FAM227B: variants seen among roughly 807,000 people sequenced by gnomAD.
The protein encoded by FAM227B is protein FAM227B.
FAM227B carries 88 observed loss-of-function variants against 73.8 expected under a neutral mutation model. That is an observed-to-expected ratio of 1.19 (90% CI 1.00 to 1.42). The LOEUF (loss-of-function observed/expected upper bound fraction) is 1.42, where lower values mean the gene tolerates loss of function less well. Among genes scored for constraint, FAM227B ranks in the 40% most tolerant of loss-of-function variants. The probability of loss-of-function intolerance (pLI) is 0.00; values close to 1 mark genes in which losing one functional copy is unlikely to be tolerated. For missense variants in FAM227B, 632 were observed against 590.9 expected (o/e 1.07, Z -0.72); for synonymous variants, 210 against 190.5 (o/e 1.10, Z -0.84).
chr15:49,425,299 T>C lies in FAM227B; in HGVS notation c.1013-53900A>G, dbSNP rs557332010. ...TGGGCTGGAAGAGATGGTAATTCCA[T>C]GTTTTTCAATTTAAAGCCTTACATT... On this transcript the variant is annotated intron_variant, in intron 11 of 15. Coordinates refer to ENST00000299338, the MANE Select transcript of FAM227B (RefSeq NM_152647.3). 5.9e-5 allele frequency: 9 copies of C among 152,134 alleles called. No homozygotes were observed. The East Asian group carries it at 1.7e-3, about 29-fold the overall frequency. The allele number at this position is 152,134 out of a possible 1,614,324, so 9.4% of individuals were successfully genotyped here.
rs1308747221 is a variant in FAM227B, at chr15:49,508,486, C to T, written c.875-138G>A. ...TTCCTTTTTTGTTCCTTTTAAGCTGCGTAGGATTAGATAAGTCATCTAACC... is the reference window on the plus strand; with the variant it reads ...TTCCTTTTTTGTTCCTTTTAAGCTGTGTAGGATTAGATAAGTCATCTAACC... On this transcript the variant is annotated intron_variant, in intron 10 of 15. Transcript: ENST00000299338. 1.1e-5 allele frequency: 7 copies of T among 626,286 alleles called. No homozygotes were observed. In the East Asian group the frequency reaches 1.6e-4, roughly 14 times the overall value. The allele number at this position is 626,286 out of a possible 1,614,324, so 38.8% of individuals were successfully genotyped here.
intron 11 of FAM227B, among the ~76,000 whole-genome samples, chr15:49,383,505 A>G (rs12905203): frequency 0.3 from 45,295 of 152,038 alleles, 7,952 homozygotes; most frequent in Non-Finnish European, 0.4. Flanking sequence ...AAACATTTGT[A>G]TGACTCACTT....
intron 14 of FAM227B, among the ~76,000 whole-genome samples, chr15:49,332,086 G>GCCCCCC (rs60385595): frequency 1.1e-5 from 1 of 92,612 alleles, no homozygotes; most frequent in Non-Finnish European, 2.1e-5. Flanking sequence ...GTGCACACGT[G>GCCCCCC]CCACACACAC....
intron 11 of FAM227B, among the ~76,000 whole-genome samples, chr15:49,436,217 T>C (rs1325531030): frequency 6.6e-6 from 1 of 151,606 alleles, no homozygotes; most frequent in African/African-American, 2.4e-5. Context: ...AGCCAGTGTT[T>C]CAGATGATCC....
At chr15:49,372,507 G>A (rs2045911921) in intron 11 of FAM227B, among the ~76,000 whole-genome samples, 1 of 152,178 alleles carries the variant, frequency 6.6e-6, no homozygotes, top group Non-Finnish European at 1.5e-5. Context: ...CTGGGCCTCT[G>A]CCTGTCAGAG....
chr15:49,560,150 T>G (rs1233549156), intron 9 of FAM227B, among the ~76,000 whole-genome samples: 13 of 151,862 alleles, frequency 8.6e-5, no homozygotes, highest in African/African-American at 3.1e-4. Flanking sequence ...ATCCAGGAAA[T>G]GAAGGAAGTG....
chr15:49,379,916 C>T (rs60594237), intron 11 of FAM227B, among the ~76,000 whole-genome samples: 24,919 of 152,168 alleles, frequency 0.16, 2,345 homozygotes, highest in Non-Finnish European at 0.21. Context: ...TGCTCAAGGC[C>T]CCAGGGCTTT....
chr15:49,545,741 T>C (rs1454249982), intron 9 of FAM227B, among the ~76,000 whole-genome samples: 1 of 152,180 alleles, frequency 6.6e-6, no homozygotes, highest in African/African-American at 2.4e-5. Context: ...CTTAATTTCA[T>C]TGTTCACCCA....
intron 11 of FAM227B, among the ~76,000 whole-genome samples, chr15:49,493,088 T>C (rs1220191799): frequency 6.6e-6 from 1 of 151,990 alleles, no homozygotes; most frequent in African/African-American, 2.4e-5. Context: ...TCTTACCTAA[T>C]GTCCCTCAGT....
At chr15:49,341,915 T>C (rs2040788267) in intron 13 of FAM227B, among the ~76,000 whole-genome samples, 1 of 152,138 alleles carries the variant, frequency 6.6e-6, no homozygotes, top group Non-Finnish European at 1.5e-5. Flanking sequence ...AAGAGTTTGG[T>C]TTTTTTGAAT....
chr15:49,376,067 A>G (rs1017812886), intron 11 of FAM227B, among the ~76,000 whole-genome samples: 8 of 152,082 alleles, frequency 5.3e-5, no homozygotes, highest in Non-Finnish European at 1.2e-4. Flanking sequence ...ACAGTTCCAT[A>G]TCTAAAAATG....
chr15:49,501,160 T>C (rs1333326753), intron 11 of FAM227B, among the ~76,000 whole-genome samples: 2 of 152,166 alleles, frequency 1.3e-5, no homozygotes, highest in Non-Finnish European at 2.9e-5. Context: ...GCTATAAAGA[T>C]ACCTGAAAAT....
intron 3 of FAM227B, among the ~76,000 whole-genome samples, chr15:49,608,421 T>A (rs1262691808): frequency 6.6e-6 from 1 of 151,998 alleles, no homozygotes; most frequent in African/African-American, 2.4e-5. Context: ...AGAGAGGAAT[T>A]TTTTTTATTG....
At chr15:49,503,996 A>G (rs2058370599) in intron 11 of FAM227B, among the ~76,000 whole-genome samples, 1 of 152,044 alleles carries the variant, frequency 6.6e-6, no homozygotes, top group Non-Finnish European at 1.5e-5. Flanking sequence ...TTGCGGCACT[A>G]TTCACAATAG....
At chr15:49,352,603 A>T (rs892080576) in intron 13 of FAM227B, among the ~76,000 whole-genome samples, 21 of 152,116 alleles carry the variant, frequency 1.4e-4, no homozygotes, top group African/African-American at 4.1e-4. Flanking sequence ...GTTATGCATA[A>T]TTTTTTTGTC....
At chr15:49,424,189 A>G in intron 11 of FAM227B, 1 of 1,006,142 alleles carries the variant, frequency 9.9e-7, no homozygotes, top group Non-Finnish European at 1.5e-6. Flanking sequence ...TCTTTCTTAA[A>G]TCAATCTACA....
intron 11 of FAM227B, among the ~76,000 whole-genome samples, chr15:49,390,659 T>C (rs1171742188): frequency 6.6e-6 from 1 of 152,142 alleles, no homozygotes; most frequent in Non-Finnish European, 1.5e-5. Context: ...TTTTGAATCC[T>C]CTTTTCCTTA....
At chr15:49,386,135 G>T (rs2046869560) in intron 11 of FAM227B, among the ~76,000 whole-genome samples, 1 of 151,606 alleles carries the variant, frequency 6.6e-6, no homozygotes, top group Non-Finnish European at 1.5e-5. Context: ...TAAATGACAT[G>T]CTAGAACAAA....
At chr15:49,479,611 T>G (rs1482420629) in intron 11 of FAM227B, among the ~76,000 whole-genome samples, 3 of 134,274 alleles carry the variant, frequency 2.2e-5, no homozygotes, top group East Asian at 2.1e-4. Flanking sequence ...TTTTTTTTTT[T>G]TTTTTTTTTT....
Sources: gnomAD v4.1 joint callset for allele counts (sites outside exome capture counted in the v4.1 genomes callset) on GRCh38, gnomAD v4.1.1 for gene constraint, MANE v1.5 for transcripts, NCBI Gene and HGNC (gene_info 2026-07-23, HGNC 2026-07-21) for gene names.